Variants in STX7 observed in about 807,000 individuals in gnomAD.
STX7 encodes the protein syntaxin-7.
A neutral mutation model predicts 39.6 loss-of-function variants in STX7; 34 were observed. The observed-to-expected ratio is 0.86, with a 90% CI of 0.65 to 1.14. The LOEUF (loss-of-function observed/expected upper bound fraction) is 1.14, where lower values mean the gene tolerates loss of function less well. Among genes scored for constraint, STX7 ranks in the 50% most tolerant of loss-of-function variants. STX7 has a pLI of 0.00. For missense variants in STX7, 284 were observed against 310.4 expected, an observed-to-expected ratio of 0.92 and a Z score of 0.64; for synonymous variants, 119 against 99.1, an observed-to-expected ratio of 1.20 and a Z score of -1.19.
chr6:132,511,727 A>T (rs2114495555), intron 1 of STX7, among the ~76,000 whole-genome samples: 1 of 152,358 alleles, frequency 6.6e-6, no homozygotes, highest in East Asian at 1.9e-4. Flanking sequence ...TTAGTTCACA[A>T]TACCGAGGAT....
intron 1 of STX7, among the ~76,000 whole-genome samples, chr6:132,505,493 T>G (rs1043008171): frequency 1.3e-5 from 2 of 152,174 alleles, no homozygotes; most frequent in African/African-American, 4.8e-5. Flanking sequence ...AGCTGATCTA[T>G]TCTGGGCTCT....
intron 2 of STX7, among the ~76,000 whole-genome samples, chr6:132,492,150 C>T (rs921110514): frequency 3.7e-4 from 56 of 152,148 alleles, no homozygotes; most frequent in South Asian, 4.1e-4. Context: ...CTCTAATGGC[C>T]AGGGGTGCTT....
intron 7 of STX7, among the ~76,000 whole-genome samples, 188 bp downstream of exon 7, chr6:132,469,763 T>TGGGAGGCGGAGGTTGCA (rs1231408278): frequency 2.6e-5 from 4 of 152,144 alleles, no homozygotes; most frequent in African/African-American, 9.7e-5. Flanking sequence ...CGCTTGAAGC[T>TGGGAGGCGGAGGTTGCA]GGGAGGCGGA....
chr6:132,462,371 C>G (rs1774430131), intron 9 of STX7, among the ~76,000 whole-genome samples: 1 of 152,198 alleles, frequency 6.6e-6, no homozygotes, highest in African/African-American at 2.4e-5. Flanking sequence ...GGGGCAGCTT[C>G]CAGTCCTGGG....
Position 132,447,556 on chromosome 6 carries a change from T to C in STX7, c.*13202A>G, listed in dbSNP as rs1774040242. On this transcript the variant is annotated 3_prime_UTR_variant, in exon 10 of 10. Coordinates refer to ENST00000367941, the MANE Select transcript of STX7 (RefSeq NM_003569.3). ...AGTGACTTCAAATACAACATAATAG[T>C]TTTTTTTTCCGTTTTGCCCTCTACA... 1 of 81,472 alleles carries C rather than the reference T, an allele frequency of 1.2e-5. No homozygotes were observed. The highest frequency in any genetic ancestry group is 2.4e-5 in the Non-Finnish European group (1 of 41,494). 5.0% of individuals were successfully genotyped at this position (81,472 alleles called of 1,614,324 possible).
chr6:132,490,488 G>A (rs1775252051), intron 2 of STX7, among the ~76,000 whole-genome samples: 1 of 152,154 alleles, frequency 6.6e-6, no homozygotes. Context: ...ATAGAATGGG[G>A]GAGCAGGTAG....
intron 8 of STX7, 90 bp from the exon 9 acceptor site, chr6:132,464,165 A>C: frequency 8.0e-7 from 1 of 1,254,972 alleles, no homozygotes. Flanking sequence ...GGTAAGATTA[A>C]ATATGGTCAT....
At chr6:132,470,730 T>C (rs1233940197) in intron 5 of STX7, 104 bp from the exon 6 acceptor site, 1 of 743,796 alleles carries the variant, frequency 1.3e-6, no homozygotes, top group Admixed American at 2.0e-5. Flanking sequence ...AACTGATTTA[T>C]GTACGTGTCT....
chr6:132,463,530 T>C (rs190721661), intron 9 of STX7, among the ~76,000 whole-genome samples: 23 of 152,286 alleles, frequency 1.5e-4, no homozygotes, highest in African/African-American at 5.3e-4. Flanking sequence ...ACAGTGACAC[T>C]CCAAGCTAAT....
At chr6:132,463,207 C>CA (rs1287002929) in intron 9 of STX7, among the ~76,000 whole-genome samples, 5 of 149,892 alleles carry the variant, frequency 3.3e-5, no homozygotes, top group South Asian at 2.1e-4. Context: ...GACTCTGTGT[C>CA]AAAAAAAAAG....
chr6:132,465,806 AC>A (rs1482427346), intron 8 of STX7, among the ~76,000 whole-genome samples: 3 of 152,028 alleles, frequency 2.0e-5, no homozygotes, highest in Non-Finnish European at 4.4e-5. Flanking sequence ...AGAACTATAT[AC>A]CCCGAGCAAG....
chr6:132,500,284 C>G (rs72998886), intron 2 of STX7, among the ~76,000 whole-genome samples: 4,438 of 152,264 alleles, frequency 0.029, 99 homozygotes, highest in Non-Finnish European at 0.046. Context: ...CCTGAACCAC[C>G]TGCAAGGCCC....
intron 8 of STX7, among the ~76,000 whole-genome samples, chr6:132,467,070 G>A (rs185616892): frequency 6.6e-6 from 1 of 152,198 alleles, no homozygotes; most frequent in East Asian, 1.9e-4. Context: ...CCTTGCTTTT[G>A]GTCTTTTTCC....
chr6:132,499,257 T>C (rs1199479054), intron 2 of STX7, among the ~76,000 whole-genome samples: 1 of 152,274 alleles, frequency 6.6e-6, no homozygotes, highest in Non-Finnish European at 1.5e-5. Flanking sequence ...GTCTGCTAGT[T>C]GCCTACTAAA....
intron 1 of STX7, among the ~76,000 whole-genome samples, chr6:132,512,415 G>T (rs1775870770): frequency 6.6e-6 from 1 of 152,022 alleles, no homozygotes; most frequent in Admixed American, 6.5e-5. Flanking sequence ...ACGTTTAAAG[G>T]TTTTTATGTA....
intron 8 of STX7, among the ~76,000 whole-genome samples, chr6:132,467,592 T>C (rs558045968): frequency 6.6e-6 from 1 of 152,306 alleles, no homozygotes; most frequent in South Asian, 2.1e-4. Context: ...TGTCTGGACA[T>C]AGTAGCCACT....
At chr6:132,488,964 G>C (rs1341131784) in intron 2 of STX7, among the ~76,000 whole-genome samples, 2 of 152,058 alleles carry the variant, frequency 1.3e-5, no homozygotes, top group Non-Finnish European at 2.9e-5. Context: ...CACTTTGGGA[G>C]GCCAAGGTAA....
chr6:132,475,783 A>ACTT, intron 2 of STX7, 121 bp from the exon 3 acceptor site: 5 of 526,658 alleles, frequency 9.5e-6, no homozygotes, highest in Non-Finnish European at 1.6e-5. Flanking sequence ...AAAGATGAAA[A>ACTT]TAGAAAATAT....
At chr6:132,464,200 T>C in intron 8 of STX7, 125 bp from the exon 9 acceptor site, 2 of 941,642 alleles carry the variant, frequency 2.1e-6, no homozygotes, top group Non-Finnish European at 3.3e-6. Context: ...TAGTAGTATA[T>C]CATAAAGTTG....
Sources: allele counts gnomAD v4.1 joint callset (sites outside exome capture counted in the v4.1 genomes callset), GRCh38; gene constraint gnomAD v4.1.1; transcripts MANE v1.5; gene names NCBI Gene and HGNC (gene_info 2026-07-23, HGNC 2026-07-21).